The following ASNS variants were observed in gnomAD, a reference collection of about 807,000 sequenced individuals.
ASNS encodes the protein asparagine synthetase [glutamine-hydrolyzing].
Under a neutral mutation model 62.6 loss-of-function variants are expected in ASNS, and 37 were observed. The ratio of observed to expected loss-of-function variants is 0.59; its 90% CI spans 0.45 to 0.78. The LOEUF (loss-of-function observed/expected upper bound fraction) is 0.78, where lower values mean the gene tolerates loss of function less well. ASNS is among the 30% of genes least tolerant of loss of function. The pLI is 0.00. For missense variants in ASNS, 520 were observed against 682.4 expected, an observed-to-expected ratio of 0.76 and a Z score of 2.65; for synonymous variants, 207 against 237.9, an observed-to-expected ratio of 0.87 and a Z score of 1.19.
intron 4 of ASNS, among the ~76,000 whole-genome samples, chr7:97,860,311 G>C (rs17169184): frequency 0.013 from 1,953 of 152,314 alleles, 36 homozygotes; most frequent in African/African-American, 0.04. Flanking sequence ...TTCCAGATGA[G>C]ATAATTTGGT....
the ASNS span, among the ~76,000 whole-genome samples, chr7:97,886,440 C>T: frequency 6.6e-6 from 1 of 152,122 alleles, no homozygotes; most frequent in African/African-American, 2.4e-5. Context: ...AGCCACTGCG[C>T]CTGGCCTATA....
rs141801556 is a variant in ASNS at position 97,869,476 on chromosome 7, C to T, written c.-23-297G>A. On this transcript the variant is annotated intron_variant, in intron 2 of 12. Coordinates refer to ENST00000394308, the MANE Select transcript of ASNS (RefSeq NM_001673.5). ...TTTAGTGGTTGGCTAGAGCTGACAG[C>T]GTCCATGCCACATCTGTCTCTGCAT... Among the ~76,000 whole-genome samples the T allele has an allele frequency of 2.9e-3, 437 of 152,266 alleles. 3 individuals carry two copies. Among genetic ancestry groups the T allele is most frequent in the African/African-American group, 0.01 (424 of 41,554 alleles).
chr7:97,858,498 ATAGTTTTAC>A, intron 6 of ASNS, 93 bp from the exon 7 acceptor site: 1 of 1,471,652 alleles, frequency 6.8e-7, no homozygotes, highest in East Asian at 2.3e-5. Context: ...CACCAAGATC[ATAGTTTTAC>A]TATTTAAAAT....
chr7:97,922,603 A>G, the ASNS span, among the ~76,000 whole-genome samples: 2 of 152,184 alleles, frequency 1.3e-5, no homozygotes, highest in African/African-American at 4.8e-5. Flanking sequence ...CCATAAAAAA[A>G]TAAGTCTGGG....
chr7:97,860,191 C>T (rs143289933), intron 4 of ASNS, among the ~76,000 whole-genome samples: 92 of 152,176 alleles, frequency 6.0e-4, no homozygotes, highest in Non-Finnish European at 1.1e-3. Context: ...CTACACAACC[C>T]GGATAGGGAA....
chr7:97,867,997 T>C (rs1339140894), intron 3 of ASNS, among the ~76,000 whole-genome samples: 5 of 152,122 alleles, frequency 3.3e-5, no homozygotes, highest in African/African-American at 1.2e-4. Flanking sequence ...ACCAAATGCA[T>C]GAACCTTGAA....
At chr7:97,861,178 C>G (rs1453351057) in intron 4 of ASNS, among the ~76,000 whole-genome samples, 1 of 152,048 alleles carries the variant, frequency 6.6e-6, no homozygotes, top group African/African-American at 2.4e-5. Context: ...CCCGCCACCA[C>G]GCCCGGCTAA....
At chr7:97,894,238 T>C in the ASNS span, among the ~76,000 whole-genome samples, 1 of 151,902 alleles carries the variant, frequency 6.6e-6, no homozygotes, top group East Asian at 1.9e-4. Flanking sequence ...GAGAAAAGTT[T>C]ATATCAATAA....
At chr7:97,901,812 T>C in the ASNS span, among the ~76,000 whole-genome samples, 1 of 151,936 alleles carries the variant, frequency 6.6e-6, no homozygotes, top group African/African-American at 2.4e-5. Context: ...ACCCCGTCTC[T>C]ACTAAAAATA....
chr7:97,914,924 A>T, the ASNS span, among the ~76,000 whole-genome samples: 4 of 152,236 alleles, frequency 2.6e-5, no homozygotes. Flanking sequence ...GAACACAGAA[A>T]AGAAACTGAA....
chr7:97,893,694 T>C, the ASNS span, among the ~76,000 whole-genome samples: 1 of 152,250 alleles, frequency 6.6e-6, no homozygotes, highest in Non-Finnish European at 1.5e-5. Context: ...CAAATATGCA[T>C]GCAACCAACA....
the ASNS span, among the ~76,000 whole-genome samples, chr7:97,895,318 G>T: frequency 2.0e-5 from 3 of 152,168 alleles, no homozygotes; most frequent in African/African-American, 7.2e-5. Context: ...ACAAGACAAG[G>T]ATGTCCACTT....
chr7:97,889,678 A>G, the ASNS span, among the ~76,000 whole-genome samples: 1 of 152,116 alleles, frequency 6.6e-6, no homozygotes, highest in Non-Finnish European at 1.5e-5. Context: ...ATACAGCTAT[A>G]AGAAAAGGTC....
the ASNS span, among the ~76,000 whole-genome samples, chr7:97,916,216 TA>T: frequency 6.6e-6 from 1 of 151,964 alleles, no homozygotes; most frequent in African/African-American, 2.4e-5. Flanking sequence ...CCCTCTCTAC[TA>T]AAAATACAAA....
the ASNS span, among the ~76,000 whole-genome samples, chr7:97,923,664 A>T: frequency 1.3e-5 from 2 of 152,026 alleles, no homozygotes; most frequent in South Asian, 2.1e-4. Context: ...CTAGCCCCAG[A>T]CCCATCTGTC....
Position 97,868,943 on chromosome 7 carries a change from G to C in ASNS, c.214C>G (p.Leu72Val). 1 of 1,614,144 alleles carries C rather than the reference G, an allele frequency of 6.2e-7. No homozygotes were observed. The highest frequency in any genetic ancestry group is 8.5e-7 in the Non-Finnish European group (1 of 1,180,040). The change falls in exon 3 of 13, where the codon CTC becomes GTC. Residue 72 changes from leucine to valine, a missense_variant. Leu to Val is a conservative substitution (Grantham distance 32, BLOSUM62 1). Transcript: ENST00000394308. ...TTGTAGATTTCACCATTGTAACAGA[G>C]CCACAAATACGGATATTTCTTCACT... ...IRVKKYPYLW[L>V]CYNGEIYNHK...
chr7:97,900,516 C>T, the ASNS span, among the ~76,000 whole-genome samples: 1 of 152,066 alleles, frequency 6.6e-6, no homozygotes, highest in Non-Finnish European at 1.5e-5. Flanking sequence ...ATAGAGTTGC[C>T]AAATGACCCA....
chr7:97,877,571 G>A, the ASNS span, among the ~76,000 whole-genome samples: 31 of 152,138 alleles, frequency 2.0e-4, no homozygotes, highest in Non-Finnish European at 4.1e-4. Context: ...CTCATCAGAT[G>A]CTCAGTGTCC....
At chr7:97,867,309 TG>T (rs1033083440) in intron 3 of ASNS, among the ~76,000 whole-genome samples, 2 of 151,790 alleles carry the variant, frequency 1.3e-5, no homozygotes, top group African/African-American at 4.8e-5. Context: ...AAAGGAGGTG[TG>T]GGGGGGATTT....
Sources: allele counts gnomAD v4.1 joint callset (sites outside exome capture counted in the v4.1 genomes callset), GRCh38; gene constraint gnomAD v4.1.1; transcripts MANE v1.5; gene names NCBI Gene and HGNC (gene_info 2026-07-23, HGNC 2026-07-21).